CLN3: variants seen among roughly 807,000 people sequenced by gnomAD.
CLN3 encodes the protein battenin.
CLN3 carries 49 observed loss-of-function variants against 60.7 expected under a neutral mutation model. The ratio of observed to expected loss-of-function variants is 0.81; its 90% CI spans 0.64 to 1.02. The LOEUF is 1.02. Among genes scored for constraint, CLN3 ranks in the 50% least tolerant of loss-of-function variants. The pLI is 0.00. For missense variants in CLN3, 516 were observed against 557.4 expected (o/e 0.93, Z 0.75); for synonymous variants, 256 against 245.8 (o/e 1.04, Z -0.39).
Position 28,489,385 on chromosome 16 carries a change from G to A in CLN3, c.127C>T (p.Leu43=), listed in dbSNP as rs2141718228. The change falls in exon 4 of 16, where the codon CTG becomes TTG. Residue 43 remains leucine, a splice_region_variant and synonymous_variant. Transcript: ENST00000636147. ...GAGAAGTTGTTGCAAAGGCCCAGCA[G>A]CCTGGAAGGAGCAGGACAGGTCTCA... ...AHWKNAVGFW[L]LGLCNNFSYV... 6.2e-7 allele frequency: 1 copy of A among 1,608,838 alleles called. No homozygotes were observed. The highest frequency in any genetic ancestry group is 8.5e-7 in the Non-Finnish European group (1 of 1,177,084).
Position 28,491,398 on chromosome 16 carries a change from A to C in CLN3, c.125+84T>G, listed in dbSNP as rs144200787. On this transcript the variant is annotated intron_variant, in intron 3 of 15. Coordinates refer to ENST00000636147, the MANE Select transcript of CLN3 (RefSeq NM_001042432.2). ...ATTTGTGGGTTCAGCTCCTTTGCGC[A>C]GCTTAACTCTTTCTTCCCCCTTTCC... 5 of 1,541,338 alleles carry C rather than the reference A, an allele frequency of 3.2e-6. No individual in the cohort carries two copies. In the East Asian group the frequency reaches 9.5e-5, roughly 29 times the overall value.
In CLN3 at chr16:28,477,940, C is replaced by T; in HGVS notation, c.1057-63G>A. Reference sequence around the variant, plus strand: ...CGGGGCAGGGAAGGAGAGGTGGCCTCCCCTCCAGGGGTCCCTGGTTTTAGG... The same window carrying T: ...CGGGGCAGGGAAGGAGAGGTGGCCTTCCCTCCAGGGGTCCCTGGTTTTAGG... On this transcript the variant is annotated intron_variant, in intron 14 of 15. Coordinates refer to ENST00000636147, the MANE Select transcript of CLN3 (RefSeq NM_001042432.2). The T allele has an allele frequency of 4.4e-6, 7 of 1,586,252 alleles. No individual in the cohort carries two copies. In the Admixed American group the frequency reaches 1.1e-4, roughly 25 times the overall value.
intron 1 of CLN3, 22 bp from the exon 2 acceptor site, chr16:28,491,857 A>G (rs1018925134): frequency 7.1e-5 from 104 of 1,467,550 alleles, no homozygotes; most frequent in Non-Finnish European, 9.1e-5. Flanking sequence ...GACAAGGATC[A>G]ACGCCCGATT....
At chr16:28,486,701 C>T (rs1315448675) in intron 7 of CLN3, 51 bp from the exon 8 acceptor site, 7 of 1,534,206 alleles carry the variant, frequency 4.6e-6, no homozygotes, top group Non-Finnish European at 6.2e-6. Context: ...TGCCACACTG[C>T]CCAGGCCTCT....
Position 28,477,642 on chromosome 16 carries a change from G to A in CLN3, c.1198-7C>T, listed in dbSNP as rs1046047290. 1.2e-6 allele frequency: 2 copies of A among 1,613,992 alleles called. No individual in the cohort carries two copies. Among genetic ancestry groups the A allele is most frequent in the Non-Finnish European group, 1.7e-6 (2 of 1,180,038 alleles). ...CCCGGTGCTCATCACTGGTCTGGGA[G>A]GGCAGAGAGCAGGGGTGAGGCTTCA... On this transcript the variant is annotated splice_polypyrimidine_tract_variant and splice_region_variant and intron_variant, in intron 15 of 15. Transcript: ENST00000636147.
At chr16:28,483,029 A>T (rs34838) in intron 10 of CLN3, among the ~76,000 whole-genome samples, 7 of 151,384 alleles carry the variant, frequency 4.6e-5, no homozygotes, top group African/African-American at 1.7e-4. Flanking sequence ...ACTTGAACCC[A>T]GGAGGCAGAG....
At position 28,482,301 on chromosome 16, in the gene CLN3, C is replaced by T. The variant is rs750876729; in HGVS notation, c.962+26G>A. 1.5e-5 allele frequency: 24 copies of T among 1,612,206 alleles called. No individual in the cohort carries two copies. In the Admixed American group the frequency reaches 2.7e-4, roughly 18 times the overall value. On this transcript the variant is annotated intron_variant, in intron 13 of 15. Transcript: ENST00000636147. ...CAGCTGCATCACCACGGCGCCCTCC[C>T]AGCCCACTGCCCTCGCTCCTCTTAC...
intron 4 of CLN3, 149 bp from the exon 5 acceptor site, chr16:28,488,811 A>G (rs1422301903): frequency 2.7e-6 from 2 of 746,970 alleles, no homozygotes; most frequent in African/African-American, 1.7e-5. Context: ...CTGCATGCAC[A>G]ATGAAGAGGG....
chr16:28,477,590 A>C lies in CLN3; in HGVS notation c.1243T>G (p.Ser415Ala), dbSNP rs1240173279. 2 of 1,613,984 alleles carry C rather than the reference A, an allele frequency of 1.2e-6. No individual in the cohort carries two copies. The highest frequency in any genetic ancestry group is 1.1e-5 in the South Asian group (1 of 91,080). Residue 415 changes from serine to alanine, a missense_variant, in exon 16 of 16, where the codon TCT (serine) becomes GCT (alanine). By Grantham distance (99) the Ser-to-Ala change is moderately conservative. Coordinates refer to ENST00000636147, the MANE Select transcript of CLN3 (RefSeq NM_001042432.2). ...GACAGGGAGATCCCCAGTGTGTCAGAGATGCAGGTGGCCGCCATTGCAAAC... is the reference window on the plus strand; with the variant it reads ...GACAGGGAGATCCCCAGTGTGTCAGCGATGCAGGTGGCCGCCATTGCAAAC... ...REFAMAATCI[S>A]DTLGISLSGL...
In CLN3 at chr16:28,489,465, C is replaced by G. The variant is rs189516833; in HGVS notation, c.126-79G>C. Reference sequence around the variant, plus strand: ...GCCTTTGTGCCAAACCTTCCCTTACCTGTGCCCTTCAATCAGCCCCCTCTT... The same window carrying G: ...GCCTTTGTGCCAAACCTTCCCTTACGTGTGCCCTTCAATCAGCCCCCTCTT... On this transcript the variant is annotated intron_variant, in intron 3 of 15. Transcript: ENST00000636147. 10 of 977,790 alleles carry G rather than the reference C, an allele frequency of 1.0e-5. No individual in the cohort carries two copies. The African/African-American group carries it at 1.1e-4, about 11-fold the overall frequency. The allele number at this position is 977,790 out of a possible 1,614,324, so 60.6% of individuals were successfully genotyped here.
At chr16:28,485,133 C>T (rs1246375668) in intron 9 of CLN3, among the ~76,000 whole-genome samples, 1 of 151,280 alleles carries the variant, frequency 6.6e-6, no homozygotes, top group East Asian at 2.0e-4. Context: ...TTAGTAGAGA[C>T]GGGGTTTCAC....
downstream of CLN3, chr16:28,469,659 T>C: frequency 2.8e-5 from 10 of 358,688 alleles, 1 homozygote; most frequent in South Asian, 2.1e-4. Context: ...TATGCTGGTG[T>C]ATGTACTTTC....
rs775577824 is a variant in CLN3, at chr16:28,491,479, C to T, written c.125+3G>A. The T allele has an allele frequency of 4.3e-5, 69 of 1,613,122 alleles. No homozygotes were observed. Among genetic ancestry groups the T allele is most frequent in the Non-Finnish European group, 5.7e-5 (67 of 1,180,014 alleles). ...TCACTCGCTGAAGTCTCAGGCCACT[C>T]ACCAGAAGCCCACCGCGTTCTTCCA... On this transcript the variant is annotated splice_donor_region_variant and intron_variant, in intron 3 of 15. Transcript: ENST00000636147.
At chr16:28,490,305 C>T (rs753361278) in intron 3 of CLN3, 2 of 151,436 alleles carry the variant, frequency 1.3e-5, no homozygotes, top group African/African-American at 2.4e-5. Context: ...TTAGCTGTGT[C>T]TGGTGGCACG....
At chr16:28,471,640 A>T (rs2141687611), downstream of CLN3, among the ~76,000 whole-genome samples, 1 of 123,880 alleles carries the variant, frequency 8.1e-6, no homozygotes, top group South Asian at 3.0e-4. Flanking sequence ...CTCAATGATA[A>T]GATCATAACA....
downstream of CLN3, chr16:28,476,379 CAA>C (rs528486216): frequency 1.4e-3 from 144 of 106,452 alleles, no homozygotes; most frequent in African/African-American, 2.4e-3. Context: ...CGCGTCTCTA[CAA>C]AAAAAAAAAA....
At chr16:28,484,249 C>T in intron 9 of CLN3, 131 bp from the exon 10 acceptor site, 1 of 716,606 alleles carries the variant, frequency 1.4e-6, no homozygotes, top group East Asian at 2.7e-5. Flanking sequence ...CTCACTGCCT[C>T]TAAGGCTCCT....
At chr16:28,489,157 CT>C in intron 4 of CLN3, 132 bp downstream of exon 4, 2 of 746,146 alleles carry the variant, frequency 2.7e-6, no homozygotes, top group Non-Finnish European at 2.4e-6. Flanking sequence ...CCGCCTCAGC[CT>C]CCCAAACTGC....
At chr16:28,483,553 T>C (rs920391449) in intron 10 of CLN3, among the ~76,000 whole-genome samples, 8 of 150,938 alleles carry the variant, frequency 5.3e-5, no homozygotes, top group South Asian at 2.1e-4. Context: ...CAGATGGCCA[T>C]TGGCCCACCC....
Sources: gnomAD v4.1 joint callset for allele counts (sites outside exome capture counted in the v4.1 genomes callset) on GRCh38, gnomAD v4.1.1 for gene constraint, MANE v1.5 for transcripts, NCBI Gene and HGNC (gene_info 2026-07-23, HGNC 2026-07-21) for gene names.